The following MYO10 variants were observed in gnomAD, a reference collection of about 807,000 sequenced individuals.
The protein encoded by MYO10 is unconventional myosin-X.
Under a neutral mutation model 257.3 loss-of-function variants are expected in MYO10, and 133 were observed. The ratio of observed to expected loss-of-function variants is 0.52; its 90% CI spans 0.45 to 0.60. MYO10 has a LOEUF of 0.60. MYO10 is among the 20% of genes least tolerant of loss of function. MYO10 has a pLI of 0.00. For synonymous variants in MYO10, 1,104 were observed against 1,028.6 expected (o/e 1.07, Z -1.40); for missense variants, 2,399 against 2,635.7 (o/e 0.91, Z 1.97).
At chr5:16,684,059 ATAATAG>A in intron 29 of MYO10, 124 bp from the exon 30 acceptor site, 9 of 839,294 alleles carry the variant, frequency 1.1e-5, no homozygotes, top group Non-Finnish European at 1.7e-5. Flanking sequence ...TAACTTCAAA[ATAATAG>A]TTATCTATGA....
chr5:16,809,461 C>T (rs190907687), intron 3 of MYO10, among the ~76,000 whole-genome samples: 6 of 152,360 alleles, frequency 3.9e-5, no homozygotes, highest in Non-Finnish European at 5.9e-5. Context: ...GTCCAGTCCA[C>T]GGCAGGGTAT....
chr5:16,738,434 T>C (rs1739890581), intron 19 of MYO10: 2 of 985,082 alleles, frequency 2.0e-6, no homozygotes, highest in Non-Finnish European at 2.4e-6. Flanking sequence ...CACAGACTCT[T>C]TTTGGAAATG....
At chr5:16,734,702 G>A (rs772260766) in intron 19 of MYO10, among the ~76,000 whole-genome samples, 11 of 152,044 alleles carry the variant, frequency 7.2e-5, no homozygotes, top group Non-Finnish European at 1.2e-4. Context: ...CTACTTGGGA[G>A]GCTAAGGCAG....
chr5:16,870,719 C>T (rs1744429595), intron 2 of MYO10, among the ~76,000 whole-genome samples: 2 of 152,162 alleles, frequency 1.3e-5, no homozygotes, highest in Admixed American at 6.5e-5. Context: ...ATGGAGAAAG[C>T]CCATCTCTAC....
chr5:16,829,113 T>A (rs535151241), intron 2 of MYO10, among the ~76,000 whole-genome samples: 1 of 151,998 alleles, frequency 6.6e-6, no homozygotes, highest in African/African-American at 2.4e-5. Flanking sequence ...CAGGGCACAA[T>A]AGAGATGATC....
rs1216421303 is a variant in MYO10, at chr5:16,699,580, CGA to C, written c.3433-9_3433-8del. The C allele has an allele frequency of 4.3e-6, 7 of 1,612,814 alleles. No homozygotes were observed. The highest frequency in any genetic ancestry group is 1.7e-5 in the Admixed American group (1 of 59,920). On this transcript the variant is annotated splice_region_variant and splice_polypyrimidine_tract_variant and intron_variant, in intron 25 of 40. Coordinates refer to ENST00000513610, the MANE Select transcript of MYO10 (RefSeq NM_012334.3). ...CCTCTTCACTATCTTCAAACTGGAC[CGA>C]GAGAGAGAAGCCAACGGTGAGGGAA...
intron 34 of MYO10, 98 bp downstream of exon 34, chr5:16,675,932 CT>C: frequency 7.3e-7 from 1 of 1,374,428 alleles, no homozygotes; most frequent in Non-Finnish European, 9.9e-7. Context: ...ATAAGAGAGT[CT>C]TTGAGATAAA....
chr5:16,925,352 C>T (rs146079041), intron 1 of MYO10, among the ~76,000 whole-genome samples: 4 of 152,298 alleles, frequency 2.6e-5, no homozygotes, highest in African/African-American at 9.6e-5. Flanking sequence ...AAAAGATTCA[C>T]ATAGACCTAA....
At chr5:16,677,246 GC>G (rs1736770252) in intron 33 of MYO10, among the ~76,000 whole-genome samples, 1 of 152,022 alleles carries the variant, frequency 6.6e-6, no homozygotes, top group South Asian at 2.1e-4. Flanking sequence ...CCAATTGAAG[GC>G]CATAAAAATT....
At chr5:16,738,657 T>C (rs57158658) in intron 19 of MYO10, among the ~76,000 whole-genome samples, 2,531 of 151,984 alleles carry the variant, frequency 0.017, 74 homozygotes, top group African/African-American at 0.058. Flanking sequence ...CTTTGGTATG[T>C]CAAGGCGGGT....
At chr5:16,864,150 T>A (rs985031696) in intron 2 of MYO10, among the ~76,000 whole-genome samples, 1 of 37,254 alleles carries the variant, frequency 2.7e-5, no homozygotes, top group African/African-American at 7.3e-5. Context: ...ATGTGGCTAT[T>A]TTTTTTTTTT....
intron 37 of MYO10, among the ~76,000 whole-genome samples, chr5:16,672,025 T>C (rs1163291263): frequency 1.3e-5 from 2 of 152,220 alleles, no homozygotes; most frequent in African/African-American, 4.8e-5. Context: ...CCAGGTGCAG[T>C]GGCTCACGCC....
intron 1 of MYO10, among the ~76,000 whole-genome samples, chr5:16,889,488 AAGGAAGGAAGGAAGGAAGGAAGGAAG>A (rs1744986096): frequency 2.2e-5 from 1 of 45,538 alleles, no homozygotes; most frequent in Non-Finnish European, 4.7e-5. Flanking sequence ...AGAAGGAAGG[AAGGAAGGAAGGAAGGAAGGAAGGAAG>A]GAAGGAAGGA....
At position 16,877,593 on chromosome 5, in the gene MYO10, A is replaced by G; in HGVS notation, c.120+16T>C. Reference sequence around the variant, plus strand: ...CAGACCATGGATGTTGGGAAGCTGCAGGGACTTGTTCTCACCTGACCATAG... The same window carrying G: ...CAGACCATGGATGTTGGGAAGCTGCGGGGACTTGTTCTCACCTGACCATAG... On this transcript the variant is annotated intron_variant, in intron 2 of 40. Transcript: ENST00000513610. 8 of 1,597,324 alleles carry G rather than the reference A, an allele frequency of 5.0e-6. No individual in the cohort carries two copies. Among genetic ancestry groups the G allele is most frequent in the Non-Finnish European group, 6.9e-6 (8 of 1,165,350 alleles).
rs1746431277 is a variant in MYO10 at position 16,935,986 on chromosome 5, A to G, written c.-178T>C. On this transcript the variant is annotated 5_prime_UTR_variant, in exon 1 of 41. Coordinates refer to ENST00000513610, the MANE Select transcript of MYO10 (RefSeq NM_012334.3). ...GTCCTTCTCACCTTTTGTTCGCCCA[A>G]ACCCAAGTCCCTAACTCGCCCGTCC... The G allele has an allele frequency of 2.8e-6, 2 of 714,782 alleles. No homozygotes were observed. The highest frequency in any genetic ancestry group is 1.8e-5 in the African/African-American group (1 of 55,958). 44.3% of individuals were successfully genotyped at this position (714,782 alleles called of 1,614,324 possible).
intron 9 of MYO10, among the ~76,000 whole-genome samples, chr5:16,779,290 A>G (rs775858742): frequency 6.6e-6 from 1 of 152,174 alleles, no homozygotes; most frequent in Non-Finnish European, 1.5e-5. Flanking sequence ...TGTCCCAAGT[A>G]AACTGCCCAT....
intron 2 of MYO10, among the ~76,000 whole-genome samples, chr5:16,863,542 C>T (rs927875834): frequency 6.6e-6 from 1 of 152,178 alleles, no homozygotes; most frequent in Non-Finnish European, 1.5e-5. Flanking sequence ...ATAACACAAA[C>T]GTAGCTCATA....
At chr5:16,848,962 T>G (rs1743722281) in intron 2 of MYO10, among the ~76,000 whole-genome samples, 1 of 152,124 alleles carries the variant, frequency 6.6e-6, no homozygotes, top group Non-Finnish European at 1.5e-5. Context: ...GAATTAATTA[T>G]TACTTCTTCT....
intron 2 of MYO10, among the ~76,000 whole-genome samples, chr5:16,839,852 A>C (rs1394744956): frequency 6.6e-6 from 1 of 152,306 alleles, no homozygotes; most frequent in East Asian, 1.9e-4. Context: ...AGGCTAGGCT[A>C]TGGCGTTCAG....
Sources: allele counts gnomAD v4.1 joint callset (sites outside exome capture counted in the v4.1 genomes callset), GRCh38; gene constraint gnomAD v4.1.1; transcripts MANE v1.5; gene names NCBI Gene and HGNC (gene_info 2026-07-23, HGNC 2026-07-21).